The following UTY variants were observed in gnomAD, a reference collection of about 807,000 sequenced individuals.
UTY encodes the protein histone demethylase UTY.
UTY carries 12 observed loss-of-function variants against 32.5 expected under a neutral mutation model. The ratio of observed to expected loss-of-function variants is 0.37; its 90% confidence interval spans 0.24 to 0.60. The LOEUF (loss-of-function observed/expected upper bound fraction) is 0.60. Among genes scored for constraint, UTY ranks in the 20% least tolerant of loss-of-function variants. The probability of loss-of-function intolerance (pLI) is 0.69; values close to 1 mark genes in which losing one functional copy is unlikely to be tolerated. For synonymous variants in UTY, 131 were observed against 103.4 expected (o/e 1.27, Z -1.62); for missense variants, 303 against 299.2 (o/e 1.01, Z -0.09).
chrY:13,433,585 A>G (rs2074247979), intron 4 of UTY, among the ~76,000 whole-genome samples: 2 of 33,928 alleles, frequency 5.9e-5, no homozygotes, highest in Non-Finnish European at 1.5e-4. Flanking sequence ...AGACGGCTCA[A>G]CAATCCACAC....
intron 17 of UTY, among the ~76,000 whole-genome samples, chrY:13,351,241 T>C: frequency 3.0e-5 from 1 of 33,009 alleles, no homozygotes; most frequent in Non-Finnish European, 7.4e-5. Context: ...AGAATAAATA[T>C]TGAACAGCTT....
At chrY:13,300,448 C>A in intron 25 of UTY, among the ~76,000 whole-genome samples, 1 of 31,841 alleles carries the variant, frequency 3.1e-5, no homozygotes, top group Non-Finnish European at 7.7e-5. Context: ...GCGGGGTGTG[C>A]GGTGCTGCAT....
At chrY:13,399,939 T>G (rs887141146) in intron 6 of UTY, among the ~76,000 whole-genome samples, 1 of 33,609 alleles carries the variant, frequency 3.0e-5, no homozygotes. Flanking sequence ...AATATTTACC[T>G]TTCCACAATT....
At chrY:13,414,319 A>C in intron 5 of UTY, among the ~76,000 whole-genome samples, 3 of 34,241 alleles carry the variant, frequency 8.8e-5, no homozygotes, top group Non-Finnish European at 1.5e-4. Flanking sequence ...TTAGTAGCAA[A>C]CAATTATTTC....
At chrY:13,258,702 A>G (rs2055012459) in intron 28 of UTY, among the ~76,000 whole-genome samples, 1 of 34,072 alleles carries the variant, frequency 2.9e-5, no homozygotes, top group South Asian at 6.5e-4. Context: ...AACACTGGGA[A>G]GCTTTGTGAC....
chrY:13,373,773 C>T, intron 8 of UTY, among the ~76,000 whole-genome samples: 1 of 33,618 alleles, frequency 3.0e-5, no homozygotes, highest in Admixed American at 2.7e-4. Flanking sequence ...TATACATAAA[C>T]CTATACATAG....
chrY:13,352,160 C>A, intron 17 of UTY, among the ~76,000 whole-genome samples: 1 of 33,036 alleles, frequency 3.0e-5, no homozygotes, highest in Admixed American at 2.8e-4. Flanking sequence ...TCTCTTCAGA[C>A]CTCCATATTC....
At chrY:13,250,928 C>A in intron 29 of UTY, 89 bp downstream of exon 29, 1 of 301,602 alleles carries the variant, frequency 3.3e-6, no homozygotes, top group Non-Finnish European at 4.8e-6. Context: ...ATTTAAGTTT[C>A]TTCTTAACAC....
At chrY:13,413,681 G>A in intron 5 of UTY, among the ~76,000 whole-genome samples, 1 of 34,890 alleles carries the variant, frequency 2.9e-5, no homozygotes, top group Non-Finnish European at 7.3e-5. Flanking sequence ...CACCCAAGGC[G>A]GAAGCCGCTG....
chrY:13,339,689 C>A (rs988032509), intron 17 of UTY, among the ~76,000 whole-genome samples: 1 of 33,622 alleles, frequency 3.0e-5, no homozygotes, highest in African/African-American at 1.2e-4. Flanking sequence ...GAGACCAACA[C>A]AGGGCGTGAT....
At chrY:13,351,848 CT>C (rs2062427212) in intron 17 of UTY, among the ~76,000 whole-genome samples, 1 of 33,581 alleles carries the variant, frequency 3.0e-5, no homozygotes, top group Non-Finnish European at 7.4e-5. Context: ...TTTTATTGTG[CT>C]TTGCTTTACT....
At chrY:13,468,523 A>T in intron 3 of UTY, among the ~76,000 whole-genome samples, 2 of 30,671 alleles carry the variant, frequency 6.5e-5, no homozygotes, top group Non-Finnish European at 1.6e-4. Flanking sequence ...AAAATATATA[A>T]AAAAAAATTA....
intron 21 of UTY, among the ~76,000 whole-genome samples, chrY:13,307,407 C>T (rs2058755081): frequency 3.1e-5 from 1 of 31,925 alleles, no homozygotes; most frequent in Non-Finnish European, 7.6e-5. Context: ...GGACCTCTAT[C>T]TCATAATGTA....
intron 3 of UTY, among the ~76,000 whole-genome samples, chrY:13,455,935 A>C: frequency 6.2e-5 from 2 of 32,112 alleles, no homozygotes; most frequent in African/African-American, 2.5e-4. Context: ...GAGTATAACA[A>C]ATCCTTTAAT....
At chrY:13,288,102 C>T (rs2057527790) in intron 27 of UTY, among the ~76,000 whole-genome samples, 1 of 31,948 alleles carries the variant, frequency 3.1e-5, no homozygotes, top group African/African-American at 1.2e-4. Context: ...CCATAAGAAA[C>T]CCAAGAATTA....
chrY:13,339,200 T>C (rs1005065589), intron 17 of UTY, among the ~76,000 whole-genome samples: 7 of 33,634 alleles, frequency 2.1e-4, no homozygotes, highest in East Asian at 7.8e-4. Flanking sequence ...CAGTCTTTGA[T>C]TGTCCTGAAA....
chrY:13,295,746 T>C (rs2057993126), intron 27 of UTY, among the ~76,000 whole-genome samples: 1 of 33,697 alleles, frequency 3.0e-5, no homozygotes, highest in Non-Finnish European at 7.4e-5. Flanking sequence ...TAACAGCCCC[T>C]ATGCAAGCCT....
At chrY:13,451,936 C>A (rs746175098) in intron 3 of UTY, among the ~76,000 whole-genome samples, 1 of 33,598 alleles carries the variant, frequency 3.0e-5, no homozygotes, top group East Asian at 7.9e-4. Context: ...ATAAGGAAGA[C>A]TGGAATAATA....
chrY:13,366,460 G>A, intron 9 of UTY, 67 bp from the exon 10 acceptor site: 1 of 259,665 alleles, frequency 3.9e-6, no homozygotes. Context: ...AAATCATGCA[G>A]GAAACAGCAA....
Sources: gnomAD v4.1 joint callset for allele counts (sites outside exome capture counted in the v4.1 genomes callset) on GRCh38, gnomAD v4.1.1 for gene constraint, MANE v1.5 for transcripts, NCBI Gene and HGNC (gene_info 2026-07-23, HGNC 2026-07-21) for gene names.